Variants in ATP10A observed in about 807,000 individuals in gnomAD.
ATP10A encodes the protein ATPase phospholipid transporting 10A (putative).
In ATP10A, 111 loss-of-function variants were observed where a neutral mutation model predicts 147.8. That is an observed-to-expected ratio of 0.75 (90% CI 0.64 to 0.88). The LOEUF (loss-of-function observed/expected upper bound fraction) is 0.88, where lower values mean the gene tolerates loss of function less well. Ranked by LOEUF, ATP10A falls within the 40% of genes least tolerant of loss-of-function variation. The pLI, the probability that ATP10A is intolerant of heterozygous loss-of-function variation, is 0.00. For synonymous variants in ATP10A, 875 were observed against 841.6 expected (o/e 1.04, Z -0.69); for missense variants, 1,927 against 1,959.0 (o/e 0.98, Z 0.31).
Position 25,809,175 on chromosome 15 carries a change from C to G in ATP10A, c.450-27952G>C, listed in dbSNP as rs999016881. Among the ~76,000 whole-genome samples, 7 of 152,242 alleles carry G rather than the reference C, an allele frequency of 4.6e-5. No homozygotes were observed. In the South Asian group the frequency reaches 6.2e-4, roughly 14 times the overall value. On this transcript the variant is annotated intron_variant, in intron 1 of 20. Coordinates refer to ENST00000555815, the MANE Select transcript of ATP10A (RefSeq NM_024490.4). ...ACTGTGGGTCAGGGCTCCCCAGTGG[C>G]CGCAGATGGGATGAAGCCACCACCA...
chr15:25,703,043 T>C (rs1392158301), intron 12 of ATP10A, among the ~76,000 whole-genome samples: 1 of 152,156 alleles, frequency 6.6e-6, no homozygotes, highest in Non-Finnish European at 1.5e-5. Context: ...GCTCCCTCGA[T>C]GGGATCAGTG....
intron 10 of ATP10A, among the ~76,000 whole-genome samples, chr15:25,712,969 C>T (rs968163176): frequency 6.6e-6 from 1 of 152,198 alleles, no homozygotes. Flanking sequence ...CTAGCTCCAA[C>T]TCGGAGCTCC....
chr15:25,693,420 C>T (rs1459663315), intron 14 of ATP10A, among the ~76,000 whole-genome samples: 3 of 152,246 alleles, frequency 2.0e-5, no homozygotes, highest in Non-Finnish European at 4.4e-5. Context: ...TTTCCTTCCA[C>T]TTCTTCAGGA....
In ATP10A at chr15:25,680,253, G is replaced by GC; in HGVS notation, c.3733dup (p.Ala1245GlyfsTer27). 1 of 1,614,188 alleles carries GC rather than the reference G, an allele frequency of 6.2e-7. No homozygotes were observed. The highest frequency in any genetic ancestry group is 8.5e-7 in the Non-Finnish European group (1 of 1,180,024). On this transcript the variant is annotated frameshift_variant, in exon 20 of 21. Transcript: ENST00000555815. LOFTEE classifies it high-confidence loss of function. Reference sequence around the variant, plus strand: ...GGCACAAGACGCATTGTAAATCAAAGCCACGGTGAAAAACAAAAGGACACT... The same window carrying GC: ...GGCACAAGACGCATTGTAAATCAAAGCCCACGGTGAAAAACAAAAGGACACT...
downstream of ATP10A, among the ~76,000 whole-genome samples, chr15:25,677,005 T>G (rs1408812173): frequency 6.6e-6 from 1 of 152,154 alleles, no homozygotes; most frequent in Non-Finnish European, 1.5e-5. Flanking sequence ...AACTGCTAGG[T>G]TCTGTGCAAG....
At chr15:25,836,772 C>T (rs765504485) in intron 1 of ATP10A, among the ~76,000 whole-genome samples, 2 of 152,148 alleles carry the variant, frequency 1.3e-5, no homozygotes, top group African/African-American at 4.8e-5. Context: ...TGGGCACTAT[C>T]GTTACTGTCG....
At chr15:25,838,495 A>G (rs1259539882) in intron 1 of ATP10A, among the ~76,000 whole-genome samples, 1 of 152,132 alleles carries the variant, frequency 6.6e-6, no homozygotes. Flanking sequence ...TGTTAATATG[A>G]AAGCCTAAGG....
chr15:25,792,244 T>A (rs1890459951), intron 1 of ATP10A, among the ~76,000 whole-genome samples: 1 of 152,232 alleles, frequency 6.6e-6, no homozygotes, highest in East Asian at 1.9e-4. Context: ...TAGTACAGTA[T>A]GTTGGATCAG....
At chr15:25,855,971 CT>C (rs1893498918) in intron 1 of ATP10A, among the ~76,000 whole-genome samples, 1 of 152,070 alleles carries the variant, frequency 6.6e-6, no homozygotes, top group Admixed American at 6.5e-5. Context: ...ATGTTATTTT[CT>C]TGGTTTTTGA....
intron 13 of ATP10A, among the ~76,000 whole-genome samples, chr15:25,697,183 G>C (rs1410133745): frequency 6.6e-6 from 1 of 152,202 alleles, no homozygotes; most frequent in African/African-American, 2.4e-5. Flanking sequence ...CTCTGCAACA[G>C]ACTGCCACCC....
chr15:25,714,201 A>G lies in ATP10A; in HGVS notation c.1817T>C (p.Ile606Thr). 2 of 1,603,272 alleles carry G rather than the reference A, an allele frequency of 1.2e-6. No homozygotes were observed. Among genetic ancestry groups the G allele is most frequent in the Non-Finnish European group, 1.7e-6 (2 of 1,179,962 alleles). ...TGTGAACCTCCGCAGGAAGTCTTCT[A>G]TCGTCTTCACCGGGGACTTCAGCTC... ...RFELKSPVKT[I>T]EDFLRRFTPS... Residue 606 changes from isoleucine to threonine, a missense_variant, in exon 10 of 21, where the codon ATA becomes ACA. Ile to Thr is a moderately conservative substitution (Grantham distance 89, BLOSUM62 -1). Transcript: ENST00000555815.
At chr15:25,734,024 C>T (rs1007237746) in intron 3 of ATP10A, among the ~76,000 whole-genome samples, 1 of 152,176 alleles carries the variant, frequency 6.6e-6, no homozygotes, top group Admixed American at 6.5e-5. Context: ...TGGGGGTACA[C>T]AGCCAGGCAA....
intron 3 of ATP10A, 85 bp from the exon 4 acceptor site, chr15:25,727,351 C>A: frequency 8.2e-7 from 1 of 1,219,228 alleles, no homozygotes; most frequent in East Asian, 2.4e-5. Context: ...GAAGGAAGGC[C>A]CTGACACAAT....
intron 19 of ATP10A, 38 bp from the exon 20 acceptor site, chr15:25,680,346 C>A: frequency 6.3e-7 from 1 of 1,589,054 alleles, no homozygotes; most frequent in Non-Finnish European, 8.6e-7. Flanking sequence ...TTTATTTCCA[C>A]CTAAAAGTGA....
intron 13 of ATP10A, 81 bp downstream of exon 13, chr15:25,701,835 A>G (rs1274916581): frequency 1.5e-6 from 2 of 1,339,064 alleles, no homozygotes; most frequent in African/African-American, 2.9e-5. Context: ...GCTGCCAGGA[A>G]TGTGAGTGTC....
At chr15:25,746,884 CG>C (rs1297779036) in intron 2 of ATP10A, among the ~76,000 whole-genome samples, 21 of 152,176 alleles carry the variant, frequency 1.4e-4, no homozygotes, top group African/African-American at 5.1e-4. Context: ...AGGAAATGCT[CG>C]CTGGAGATTT....
At chr15:25,726,920 C>T (rs1252045737) in intron 4 of ATP10A, among the ~76,000 whole-genome samples, 2 of 148,214 alleles carry the variant, frequency 1.3e-5, no homozygotes, top group Non-Finnish European at 3.0e-5. Flanking sequence ...AGGAGCCGGG[C>T]GTGGCGGGCG....
At position 25,777,096 on chromosome 15, in the gene ATP10A, C is replaced by CGTGTGTGTGTGTGTGTGT. The variant is rs34174555; in HGVS notation, c.654+3905_654+3922dup. Among the ~76,000 whole-genome samples the CGTGTGTGTGTGTGTGTGT allele has an allele frequency of 2.4e-3, 364 of 149,802 alleles. 1 individual carries two copies. The highest frequency in any genetic ancestry group is 3.4e-3 in the Non-Finnish European group (229 of 67,428). On this transcript the variant is annotated intron_variant, in intron 2 of 20. Coordinates refer to ENST00000555815, the MANE Select transcript of ATP10A (RefSeq NM_024490.4). ...GTGCATGCGTGTGTGTGCATACGTG[C>CGTGTGTGTGTGTGTGTGT]GTGTGTGTGTGTGTGTGTGTGTACC...
chr15:25,864,106 GGGGGAGGCGAGGATGGTTGT>G (rs1255458002), upstream of ATP10A, among the ~76,000 whole-genome samples: 41 of 152,168 alleles, frequency 2.7e-4, no homozygotes, highest in East Asian at 1.6e-3. Context: ...CCCGGACGGC[GGGGGAGGCGAGGATGGTTGT>G]GGGGAGGCGA....
Sources: allele counts gnomAD v4.1 joint callset (sites outside exome capture counted in the v4.1 genomes callset), GRCh38; gene constraint gnomAD v4.1.1; transcripts MANE v1.5; gene names NCBI Gene and HGNC (gene_info 2026-07-23, HGNC 2026-07-21).